Variants in PCNX2 observed in about 807,000 individuals in gnomAD.
PCNX2 encodes the protein pecanex 2.
PCNX2 carries 168 observed loss-of-function variants against 223.8 expected under a neutral mutation model. The ratio of observed to expected loss-of-function variants is 0.75; its 90% CI spans 0.66 to 0.85. The LOEUF (loss-of-function observed/expected upper bound fraction) is 0.85. Among genes scored for constraint, PCNX2 ranks in the 40% least tolerant of loss-of-function variants. The pLI is 0.00. For missense variants in PCNX2, 2,507 were observed against 2,675.5 expected, an observed-to-expected ratio of 0.94 and a Z score of 1.39; for synonymous variants, 1,006 against 1,052.6, an observed-to-expected ratio of 0.96 and a Z score of 0.86.
chr1:233,004,062 T>C (rs997213518), intron 28 of PCNX2, among the ~76,000 whole-genome samples: 1 of 152,022 alleles, frequency 6.6e-6, no homozygotes, highest in Non-Finnish European at 1.5e-5. Context: ...AGATGACGGA[T>C]TGATGGGTGC....
At chr1:233,099,693 A>G (rs1674375406) in intron 21 of PCNX2, among the ~76,000 whole-genome samples, 1 of 152,212 alleles carries the variant, frequency 6.6e-6, no homozygotes, top group Admixed American at 6.5e-5. Context: ...GTGTGTATCA[A>G]AACAGCAATT....
At chr1:233,280,371 C>T (rs1293054875) in intron 1 of PCNX2, among the ~76,000 whole-genome samples, 1 of 149,112 alleles carries the variant, frequency 6.7e-6, no homozygotes, top group Admixed American at 6.7e-5. Context: ...CTTCTCAGCT[C>T]ACTGCAACCT....
rs970247377 is a variant in PCNX2, at chr1:233,001,834, G to A, written c.4953-153C>T. On this transcript the variant is annotated intron_variant, in intron 28 of 33. Coordinates refer to ENST00000258229, the MANE Select transcript of PCNX2 (RefSeq NM_014801.4). The surrounding 1 kb of genome is among the most constrained non-coding windows in gnomAD (Gnocchi z 4.2). The stretch of plus-strand genomic sequence containing the variant: ...AACAGGACTCATCCCAGTGCACCTA[G>A]TGCCTACCCCTACAGCCCATGTTTG... Among the ~76,000 whole-genome samples, 22 of 152,174 alleles carry A rather than the reference G, an allele frequency of 1.4e-4. No homozygotes were observed. Among genetic ancestry groups the A allele is most frequent in the African/African-American group, 5.3e-4 (22 of 41,448 alleles).
chr1:233,316,595 A>G, the PCNX2 span, among the ~76,000 whole-genome samples: 53 of 152,226 alleles, frequency 3.5e-4, no homozygotes, highest in African/African-American at 1.2e-3. Flanking sequence ...CTCAGCTGTC[A>G]TACTGACATA....
intron 1 of PCNX2, among the ~76,000 whole-genome samples, chr1:233,276,016 C>T (rs547240497): frequency 6.7e-6 from 1 of 149,882 alleles, no homozygotes; most frequent in South Asian, 2.2e-4. Flanking sequence ...GATGACTGAG[C>T]GAGACTGTCT....
At chr1:233,068,196 C>T (rs907997066) in intron 23 of PCNX2, among the ~76,000 whole-genome samples, 1 of 151,976 alleles carries the variant, frequency 6.6e-6, no homozygotes, top group African/African-American at 2.4e-5. Flanking sequence ...TAATTGTCAG[C>T]CTAGATTCCT....
At chr1:233,119,592 A>AAAC (rs745638815) in intron 21 of PCNX2, among the ~76,000 whole-genome samples, 19,280 of 144,024 alleles carry the variant, frequency 0.13, 1,388 homozygotes, top group East Asian at 0.21. Context: ...CTCAAAAAAA[A>AAAC]AAAAACAAAA....
rs115136340 is a variant in PCNX2, at chr1:233,243,466, C to T, written c.2223-6486G>A. ...TTTACTGTAATAGAAAACTTAAAAT[C>T]TAATTGCATTAAAAGCCAAGGACAT... On this transcript the variant is annotated intron_variant, in intron 8 of 33. Transcript: ENST00000258229. Among the ~76,000 whole-genome samples, 1,122 of 152,246 alleles carry T rather than the reference C, an allele frequency of 7.4e-3. 7 individuals carry two copies. Among genetic ancestry groups the T allele is most frequent in the South Asian group, 0.023 (109 of 4,824 alleles).
intron 23 of PCNX2, among the ~76,000 whole-genome samples, chr1:233,064,088 G>A (rs367796407): frequency 5.3e-5 from 8 of 151,670 alleles, no homozygotes; most frequent in East Asian, 3.9e-4. Flanking sequence ...TTGGAGAGTC[G>A]AAATCTGCTA....
chr1:233,178,535 A>G (rs1679615662), intron 16 of PCNX2, among the ~76,000 whole-genome samples: 1 of 152,256 alleles, frequency 6.6e-6, no homozygotes, highest in Admixed American at 6.5e-5. Flanking sequence ...TAAGCATTAC[A>G]TTAAATACAT....
chr1:233,124,763 T>C (rs913049416), intron 21 of PCNX2, among the ~76,000 whole-genome samples: 2 of 152,250 alleles, frequency 1.3e-5, no homozygotes, highest in Non-Finnish European at 2.9e-5. Context: ...GGCTAGTCTT[T>C]GCATCACACA....
At chr1:233,055,844 G>C (rs1267572096) in intron 24 of PCNX2, among the ~76,000 whole-genome samples, 2 of 152,098 alleles carry the variant, frequency 1.3e-5, no homozygotes, top group African/African-American at 2.4e-5. Context: ...TTGTATCCAT[G>C]GGAACTGGGG....
intron 24 of PCNX2, among the ~76,000 whole-genome samples, chr1:233,055,759 C>T (rs184406765): frequency 6.6e-6 from 1 of 152,254 alleles, no homozygotes; most frequent in Admixed American, 6.5e-5. Context: ...CCTCCTGGAT[C>T]GTCTATTTGA....
intron 1 of PCNX2, among the ~76,000 whole-genome samples, chr1:233,287,173 T>C (rs1251399490): frequency 6.6e-6 from 1 of 152,198 alleles, no homozygotes; most frequent in Non-Finnish European, 1.5e-5. Flanking sequence ...GTGTATAAAA[T>C]ACCACTGCAA....
intron 17 of PCNX2, among the ~76,000 whole-genome samples, chr1:233,163,770 G>A (rs1228286108): frequency 6.6e-6 from 1 of 151,638 alleles, no homozygotes; most frequent in Non-Finnish European, 1.5e-5. Context: ...TCATTTTCTA[G>A]AATGTTATAT....
chr1:233,034,136 C>T (rs537424384), intron 25 of PCNX2, among the ~76,000 whole-genome samples: 5 of 152,230 alleles, frequency 3.3e-5, no homozygotes, highest in Non-Finnish European at 7.4e-5. Flanking sequence ...TGCTTGAACC[C>T]GGGAGGCGGA....
At chr1:233,299,663 G>A (rs572560863), upstream of PCNX2, among the ~76,000 whole-genome samples, 24 of 152,314 alleles carry the variant, frequency 1.6e-4, no homozygotes, top group African/African-American at 4.3e-4. Context: ...CAGGTGGTAC[G>A]ACAGAAAGGG....
At chr1:233,022,612 G>A (rs1046715756) in intron 26 of PCNX2, among the ~76,000 whole-genome samples, 1 of 151,998 alleles carries the variant, frequency 6.6e-6, no homozygotes, top group Admixed American at 6.6e-5. Flanking sequence ...GATGGGGGGG[G>A]AGTGGGAAAC....
chr1:232,986,482 C>T lies in PCNX2; in HGVS notation c.5850G>A (p.Pro1950=), dbSNP rs376157021. 3.1e-5 allele frequency: 49 copies of T among 1,593,012 alleles called. No individual in the cohort carries two copies. Among genetic ancestry groups the T allele is most frequent in the Non-Finnish European group, 3.6e-5 (42 of 1,168,446 alleles). Residue 1950 remains proline, a synonymous_variant, in exon 33 of 34, where the codon CCG becomes CCA. Transcript: ENST00000258229. ...VQAHSALSQR[P]PMLSSSGPIL... Reference sequence around the variant, plus strand: ...TGGGGCCAGATGAGCTCAGCATGGGCGGCCTTTGGCTTAGCGCTGAGTGTG... The same window carrying T: ...TGGGGCCAGATGAGCTCAGCATGGGTGGCCTTTGGCTTAGCGCTGAGTGTG...
Sources: allele counts gnomAD v4.1 joint callset (sites outside exome capture counted in the v4.1 genomes callset), GRCh38; gene constraint gnomAD v4.1.1; non-coding constraint Gnocchi (gnomAD v3.1); transcripts MANE v1.5; gene names NCBI Gene and HGNC (gene_info 2026-07-23, HGNC 2026-07-21).